The following MAST4 variants were observed in gnomAD, a reference collection of about 807,000 sequenced individuals.
MAST4 encodes microtubule-associated serine/threonine-protein kinase 4.
MAST4 carries 89 observed loss-of-function variants against 162.7 expected under a neutral mutation model. The ratio of observed to expected loss-of-function variants is 0.55; its 90% CI spans 0.46 to 0.65. The LOEUF (loss-of-function observed/expected upper bound fraction) is 0.65. Ranked by LOEUF, MAST4 falls within the 30% of genes least tolerant of loss-of-function variation. The pLI is 0.00. For missense variants in MAST4, 3,153 were observed against 3,374.0 expected, an observed-to-expected ratio of 0.93 and a Z score of 1.62; for synonymous variants, 1,479 against 1,361.1, an observed-to-expected ratio of 1.09 and a Z score of -1.91.
At chr5:66,761,974 TGATA>T (rs1435276061) in intron 2 of MAST4, among the ~76,000 whole-genome samples, 7 of 152,240 alleles carry the variant, frequency 4.6e-5, no homozygotes, top group Non-Finnish European at 1.0e-4. Flanking sequence ...CAACTATTTT[TGATA>T]GATAGGAGGG....
At chr5:66,953,646 C>A (rs1241866294) in intron 4 of MAST4, among the ~76,000 whole-genome samples, 1 of 151,934 alleles carries the variant, frequency 6.6e-6, no homozygotes, top group South Asian at 2.1e-4. Flanking sequence ...GCATGAGAAG[C>A]AAAACAGTTC....
chr5:66,905,083 A>T (rs1463704945), intron 4 of MAST4, among the ~76,000 whole-genome samples: 1 of 152,102 alleles, frequency 6.6e-6, no homozygotes, highest in African/African-American at 2.4e-5. Flanking sequence ...AGGCAGGTGG[A>T]TCATCTGAGG....
At chr5:67,069,836 C>A (rs1339982439) in intron 5 of MAST4, among the ~76,000 whole-genome samples, 1 of 150,428 alleles carries the variant, frequency 6.6e-6, no homozygotes, top group African/African-American at 2.4e-5. Flanking sequence ...GAGTGACCGG[C>A]CAGTGTCTGA....
At chr5:66,729,903 A>G (rs1473908752) in intron 1 of MAST4, among the ~76,000 whole-genome samples, 1 of 152,184 alleles carries the variant, frequency 6.6e-6, no homozygotes, top group Admixed American at 6.5e-5. Context: ...ATGCCAAGAG[A>G]ATGTTTTGCA....
intron 1 of MAST4, among the ~76,000 whole-genome samples, chr5:66,698,340 C>G (rs1749544578): frequency 1.3e-5 from 2 of 151,950 alleles, no homozygotes; most frequent in African/African-American, 4.8e-5. Flanking sequence ...CTCAACCCTA[C>G]TCTCAGCTGT....
rs148667769 is a variant in MAST4, at chr5:66,630,104, C to T, written c.363+33086C>T. Among the ~76,000 whole-genome samples, 430 of 152,174 alleles carry T rather than the reference C, an allele frequency of 2.8e-3. 3 individuals carry two copies. Among genetic ancestry groups the T allele is most frequent in the African/African-American group, 0.01 (416 of 41,506 alleles). On this transcript the variant is annotated intron_variant, in intron 1 of 28. Transcript: ENST00000403625. ...TTAGAGGAACTTGGAAAAAAAAATC[C>T]TTGGTCCCACTGTCTAGACCAACCA...
intron 1 of MAST4, among the ~76,000 whole-genome samples, chr5:66,703,620 G>T (rs1749923820): frequency 6.6e-6 from 1 of 152,116 alleles, no homozygotes; most frequent in African/African-American, 2.4e-5. Context: ...CATAAAATGT[G>T]CTCATCTTGT....
intron 3 of MAST4, among the ~76,000 whole-genome samples, chr5:66,890,766 C>G (rs901142833): frequency 6.6e-6 from 1 of 152,182 alleles, no homozygotes; most frequent in Non-Finnish European, 1.5e-5. Context: ...ATACTCTGGA[C>G]TTGGGCAGAT....
At chr5:66,939,640 T>C (rs766685262) in intron 4 of MAST4, among the ~76,000 whole-genome samples, 3 of 152,156 alleles carry the variant, frequency 2.0e-5, no homozygotes, top group Non-Finnish European at 4.4e-5. Flanking sequence ...ACAGATAAAT[T>C]TTCTAGATCT....
chr5:66,808,599 C>G (rs1485312677), intron 3 of MAST4, among the ~76,000 whole-genome samples: 3 of 152,168 alleles, frequency 2.0e-5, no homozygotes, highest in African/African-American at 7.2e-5. Context: ...GAAGCCCAGC[C>G]AGTGTCGTGT....
chr5:66,793,032 A>G (rs1755490626), intron 3 of MAST4, among the ~76,000 whole-genome samples: 1 of 152,224 alleles, frequency 6.6e-6, no homozygotes, highest in Admixed American at 6.5e-5. Flanking sequence ...TAAGATATAA[A>G]TGAAGGCCCT....
intron 3 of MAST4, among the ~76,000 whole-genome samples, chr5:66,832,643 TTCTGTCTCAACCTTAA>T (rs930508459): frequency 7.9e-5 from 12 of 152,332 alleles, no homozygotes; most frequent in African/African-American, 2.9e-4. Context: ...TCAATGTTTC[TTCTGTCTCAACCTTAA>T]TATAATTATG....
intron 23 of MAST4, among the ~76,000 whole-genome samples, chr5:67,148,055 A>G (rs745648729): frequency 6.6e-6 from 1 of 152,210 alleles, no homozygotes; most frequent in African/African-American, 2.4e-5. Context: ...ACTGAGTGGT[A>G]TATAGACAGC....
chr5:67,087,103 AC>A (rs145778875), intron 5 of MAST4, among the ~76,000 whole-genome samples: 2,926 of 152,220 alleles, frequency 0.019, 102 homozygotes, highest in African/African-American at 0.067. Context: ...AATAAGTAAC[AC>A]AGAAGTCTAT....
chr5:66,982,084 G>A (rs1002049079), intron 4 of MAST4, among the ~76,000 whole-genome samples: 1 of 152,192 alleles, frequency 6.6e-6, no homozygotes, highest in African/African-American at 2.4e-5. Context: ...GAGGAAATCA[G>A]GATTTACAGA....
chr5:66,883,453 G>C (rs1761834517), intron 3 of MAST4, among the ~76,000 whole-genome samples: 1 of 133,124 alleles, frequency 7.5e-6, no homozygotes, highest in Non-Finnish European at 1.6e-5. Flanking sequence ...TTTTTAGATG[G>C]AGTCTCCCTC....
intron 1 of MAST4, among the ~76,000 whole-genome samples, chr5:66,647,846 G>A (rs775485327): frequency 2.6e-5 from 4 of 152,074 alleles, no homozygotes; most frequent in Non-Finnish European, 5.9e-5. Context: ...CTTAAACATA[G>A]AGGAAAATAT....
chr5:66,759,824 G>C lies in MAST4; in HGVS notation c.479G>C (p.Arg160Thr), dbSNP rs771119903. 11 of 1,613,486 alleles carry C rather than the reference G, an allele frequency of 6.8e-6. No individual in the cohort carries two copies. The African/African-American group carries it at 9.3e-5, about 14-fold the overall frequency. Residue 160 changes from arginine (R) to threonine (T), a missense_variant, in exon 2 of 29, where the codon AGA becomes ACA. Around this residue, in one of 7 missense-constraint regions of MAST4, gnomAD observed 327 missense variants for 336.5 expected, o/e 0.97. Coordinates refer to ENST00000403625, the MANE Select transcript of MAST4 (RefSeq NM_001164664.2). Reference sequence around the variant, plus strand: ...AAAAGACAGCTGAGTGAGGATGGAAGACAGCTAAGGCGAGGGAGCCTGGGA... The same window carrying C: ...AAAAGACAGCTGAGTGAGGATGGAACACAGCTAAGGCGAGGGAGCCTGGGA... ...KYKRQLSEDG[R>T]QLRRGSLGGA...
intron 2 of MAST4, among the ~76,000 whole-genome samples, chr5:66,761,911 A>G (rs940561304): frequency 6.6e-6 from 1 of 152,228 alleles, no homozygotes; most frequent in Non-Finnish European, 1.5e-5. Flanking sequence ...AAAGGTTAAA[A>G]GACTCATCCT....
Sources: gnomAD v4.1 joint callset for allele counts (sites outside exome capture counted in the v4.1 genomes callset) on GRCh38, gnomAD v4.1.1 for gene constraint, gnomAD v4.1.1 regional missense constraint, MANE v1.5 for transcripts, NCBI Gene and HGNC (gene_info 2026-07-23, HGNC 2026-07-21) for gene names.